Variants in PTPRM observed in about 807,000 individuals in gnomAD.
PTPRM encodes receptor-type tyrosine-protein phosphatase mu.
PTPRM carries 47 observed loss-of-function variants against 186.7 expected under a neutral mutation model. The ratio of observed to expected loss-of-function variants is 0.25; its 90% confidence interval spans 0.20 to 0.32. The LOEUF is 0.32. Among genes scored for constraint, PTPRM ranks in the 10% least tolerant of loss-of-function variants. PTPRM has a pLI of 1.00. For missense variants in PTPRM, 1,494 were observed against 1,865.0 expected, an observed-to-expected ratio of 0.80 and a Z score of 3.66; for synonymous variants, 668 against 674.9, an observed-to-expected ratio of 0.99 and a Z score of 0.16.
intron 23 of PTPRM, among the ~76,000 whole-genome samples, chr18:8,348,561 C>G (rs1358618580): frequency 6.6e-6 from 1 of 152,244 alleles, no homozygotes; most frequent in African/African-American, 2.4e-5. Context: ...ATTATTTTCC[C>G]TCTTTAATGA....
At chr18:7,764,174 A>G (rs2041915403) in intron 1 of PTPRM, among the ~76,000 whole-genome samples, 1 of 152,262 alleles carries the variant, frequency 6.6e-6, no homozygotes, top group Middle Eastern at 3.4e-3. Context: ...GAAAAGCATT[A>G]TTTAGAGCAA....
chr18:7,687,778 A>ATTT (rs35120781), intron 1 of PTPRM, among the ~76,000 whole-genome samples: 5 of 140,400 alleles, frequency 3.6e-5, no homozygotes, highest in African/African-American at 1.1e-4. Context: ...GAGCTATAAG[A>ATTT]TTTTTTTTTT....
chr18:7,795,810 CTTTTTTTTTTTT>C (rs397741769), intron 2 of PTPRM, among the ~76,000 whole-genome samples: 2 of 117,768 alleles, frequency 1.7e-5, no homozygotes, highest in Non-Finnish European at 3.5e-5. Flanking sequence ...TTCTTTCTTT[CTTTTTTTTTTTT>C]TTTTTTTAGA....
intron 2 of PTPRM, among the ~76,000 whole-genome samples, chr18:7,876,936 A>G (rs2048273488): frequency 6.6e-6 from 1 of 152,150 alleles, no homozygotes; most frequent in South Asian, 2.1e-4. Context: ...TGAGCAAGCT[A>G]CTTAACCCCT....
At chr18:7,942,386 C>T (rs534454427) in intron 5 of PTPRM, among the ~76,000 whole-genome samples, 34 of 152,008 alleles carry the variant, frequency 2.2e-4, no homozygotes, top group African/African-American at 7.2e-4. Context: ...TATGGACAGT[C>T]GTGTAGAAGT....
intron 2 of PTPRM, among the ~76,000 whole-genome samples, chr18:7,834,227 C>G (rs893026729): frequency 6.6e-5 from 10 of 151,732 alleles, no homozygotes; most frequent in African/African-American, 2.2e-4. Context: ...TATGATGTAT[C>G]ACATCGATTT....
chr18:8,317,301 A>C (rs1447845051), intron 21 of PTPRM, among the ~76,000 whole-genome samples: 2 of 151,976 alleles, frequency 1.3e-5, no homozygotes, highest in Non-Finnish European at 2.9e-5. Flanking sequence ...GGAGGGAGAG[A>C]GGGGTCAAGG....
chr18:7,951,649 A>G (rs979222924), intron 6 of PTPRM, among the ~76,000 whole-genome samples: 4 of 152,164 alleles, frequency 2.6e-5, no homozygotes, highest in African/African-American at 7.2e-5. Context: ...GCCACAGCTC[A>G]TGACAATTTG....
chr18:7,703,323 T>C (rs557885568), intron 1 of PTPRM, among the ~76,000 whole-genome samples: 1 of 152,326 alleles, frequency 6.6e-6, no homozygotes, highest in Admixed American at 6.5e-5. Flanking sequence ...TGTTTTTCCA[T>C]TTTTTGTGTC....
In PTPRM at chr18:8,126,010, TATATATA is replaced by T. The variant is rs1171709808; in HGVS notation, c.2167+11184_2167+11190del. Among the ~76,000 whole-genome samples the T allele has an allele frequency of 9.9e-3, 235 of 23,792 alleles. 6 individuals are homozygous for T. Among genetic ancestry groups the T allele is most frequent in the African/African-American group, 0.022 (208 of 9,270 alleles). The allele number at this position is 23,792 out of a possible 152,430, so 15.6% of individuals were successfully genotyped here. On this transcript the variant is annotated intron_variant, in intron 13 of 32. Coordinates refer to ENST00000580170, the MANE Select transcript of PTPRM (RefSeq NM_001105244.2). ...ATATATATATATATATATATATATA[TATATATA>T]TATATATATATTTTAAATCAGTAGA...
intron 22 of PTPRM, among the ~76,000 whole-genome samples, chr18:8,340,633 C>T (rs1400001655): frequency 6.6e-6 from 1 of 152,152 alleles, no homozygotes; most frequent in Non-Finnish European, 1.5e-5. Flanking sequence ...CCAAGCAAAA[C>T]AGGATTCCAT....
chr18:7,758,879 C>A (rs1568087942), intron 1 of PTPRM, among the ~76,000 whole-genome samples: 2 of 152,136 alleles, frequency 1.3e-5, no homozygotes, highest in African/African-American at 4.8e-5. Context: ...GATGTACACG[C>A]CCTCATTTCT....
intron 1 of PTPRM, among the ~76,000 whole-genome samples, chr18:7,658,979 C>G (rs2038917570): frequency 1.3e-5 from 2 of 152,164 alleles, no homozygotes; most frequent in Non-Finnish European, 2.9e-5. Flanking sequence ...TTCTGTGCAT[C>G]TGCCTGAAGC....
intron 21 of PTPRM, among the ~76,000 whole-genome samples, chr18:8,316,557 T>C (rs1166755488): frequency 1.3e-5 from 2 of 152,144 alleles, no homozygotes; most frequent in African/African-American, 4.8e-5. Flanking sequence ...AGTCAATAGA[T>C]CTTATTGAGT....
At chr18:7,605,193 C>CA (rs1055230582) in intron 1 of PTPRM, among the ~76,000 whole-genome samples, 3 of 151,914 alleles carry the variant, frequency 2.0e-5, no homozygotes, top group African/African-American at 4.8e-5. Flanking sequence ...AAAAAATCAC[C>CA]AAAAAAACCC....
chr18:8,324,987 C>A (rs78055417), intron 22 of PTPRM, among the ~76,000 whole-genome samples: 10,512 of 152,222 alleles, frequency 0.069, 428 homozygotes, highest in Middle Eastern at 0.2. Flanking sequence ...TTTTGAGAAA[C>A]AGCACAGAAT....
chr18:8,295,421 T>C (rs2095086297), intron 19 of PTPRM, among the ~76,000 whole-genome samples: 1 of 151,250 alleles, frequency 6.6e-6, no homozygotes. Flanking sequence ...TGAGAGAACT[T>C]GAAAGCCACC....
chr18:8,283,761 G>A (rs940878285), intron 19 of PTPRM, among the ~76,000 whole-genome samples: 10 of 152,012 alleles, frequency 6.6e-5, no homozygotes, highest in Non-Finnish European at 5.9e-5. Context: ...TGGGACTATG[G>A]GCATGTGCCA....
At chr18:7,653,468 A>G (rs2038772243) in intron 1 of PTPRM, among the ~76,000 whole-genome samples, 1 of 151,270 alleles carries the variant, frequency 6.6e-6, no homozygotes, top group South Asian at 2.1e-4. Context: ...CCCTCCTCCC[A>G]CCCTCTGCCC....
Sources: allele counts gnomAD v4.1 joint callset (sites outside exome capture counted in the v4.1 genomes callset), GRCh38; gene constraint gnomAD v4.1.1; transcripts MANE v1.5; gene names NCBI Gene and HGNC (gene_info 2026-07-23, HGNC 2026-07-21).